Variants in RABGAP1 observed in about 807,000 individuals in gnomAD.
RABGAP1 encodes the protein rab GTPase-activating protein 1.
In RABGAP1, 23 loss-of-function variants were observed where a neutral mutation model predicts 137.6. That is an observed-to-expected ratio of 0.17 (90% confidence interval 0.12 to 0.24). The LOEUF is 0.24. Ranked by LOEUF, RABGAP1 falls within the 10% of genes least tolerant of loss-of-function variation. The probability of loss-of-function intolerance (pLI) is 1.00; values close to 1 mark genes in which losing one functional copy is unlikely to be tolerated. For missense variants in RABGAP1, 906 were observed against 1,275.8 expected (o/e 0.71, Z 4.42); for synonymous variants, 451 against 450.7 (o/e 1.00, Z -0.01).
At chr9:123,000,281 A>G (rs935839424) in intron 10 of RABGAP1, among the ~76,000 whole-genome samples, 3 of 152,196 alleles carry the variant, frequency 2.0e-5, no homozygotes, top group African/African-American at 7.2e-5. Flanking sequence ...TAACTTGATC[A>G]AAGTTAAACT....
chr9:123,040,576 G>A (rs2032904706), intron 13 of RABGAP1, among the ~76,000 whole-genome samples: 1 of 152,088 alleles, frequency 6.6e-6, no homozygotes, highest in African/African-American at 2.4e-5. Flanking sequence ...AGTCTTAGTA[G>A]TCTGCAAGCC....
At chr9:122,997,190 A>C in intron 8 of RABGAP1, 69 bp from the exon 9 acceptor site, 1 of 1,206,074 alleles carries the variant, frequency 8.3e-7, no homozygotes, top group Non-Finnish European at 1.2e-6. Context: ...TTTTAAAGGC[A>C]GCAAGATGGG....
chr9:123,012,619 T>C (rs1040949006), intron 11 of RABGAP1, among the ~76,000 whole-genome samples: 15 of 152,230 alleles, frequency 9.9e-5, no homozygotes, highest in African/African-American at 3.4e-4. Context: ...TAAGGACTAA[T>C]GGCAGTGTGT....
intron 2 of RABGAP1, among the ~76,000 whole-genome samples, chr9:122,967,275 T>C (rs1034309164): frequency 1.3e-5 from 2 of 152,088 alleles, no homozygotes; most frequent in African/African-American, 4.8e-5. Flanking sequence ...CATTAGTAAA[T>C]AGGAGATCAG....
chr9:123,096,344 A>T (rs2035183061), intron 21 of RABGAP1, among the ~76,000 whole-genome samples: 6 of 152,240 alleles, frequency 3.9e-5, no homozygotes, highest in Admixed American at 3.9e-4. Flanking sequence ...ATGGAAAAAG[A>T]TGTACATACC....
intron 14 of RABGAP1, among the ~76,000 whole-genome samples, chr9:123,066,898 A>G (rs1428614133): frequency 6.6e-6 from 1 of 152,254 alleles, no homozygotes; most frequent in African/African-American, 2.4e-5. Flanking sequence ...ACTGATAAGT[A>G]TAGTTAATAT....
At chr9:122,947,529 GT>G (rs1442854174) in intron 1 of RABGAP1, among the ~76,000 whole-genome samples, 1 of 152,130 alleles carries the variant, frequency 6.6e-6, no homozygotes, top group Non-Finnish European at 1.5e-5. Flanking sequence ...TAAAAAAGAT[GT>G]TTTAAAGTTT....
chr9:123,082,913 C>G (rs541684954), intron 19 of RABGAP1, among the ~76,000 whole-genome samples: 1 of 152,204 alleles, frequency 6.6e-6, no homozygotes, highest in South Asian at 2.1e-4. Context: ...ACTTCATTCT[C>G]TGTTCAAATT....
chr9:123,093,537 C>T (rs867316791), intron 21 of RABGAP1, among the ~76,000 whole-genome samples: 1 of 152,194 alleles, frequency 6.6e-6, no homozygotes, highest in Non-Finnish European at 1.5e-5. Context: ...TGCCTCAGCT[C>T]CTTATTAGTT....
At chr9:123,027,433 A>G (rs978418376) in intron 13 of RABGAP1, among the ~76,000 whole-genome samples, 3 of 152,200 alleles carry the variant, frequency 2.0e-5, no homozygotes, top group Non-Finnish European at 2.9e-5. Flanking sequence ...TTACATTTCT[A>G]ATTGTTGAAA....
At chr9:123,055,854 T>C (rs2033672458) in intron 13 of RABGAP1, among the ~76,000 whole-genome samples, 1 of 152,186 alleles carries the variant, frequency 6.6e-6, no homozygotes, top group Non-Finnish European at 1.5e-5. Flanking sequence ...CCTGGCCATT[T>C]ATTTTATACT....
chr9:123,103,756 T>C lies in RABGAP1; in HGVS notation c.*543T>C, dbSNP rs1200745672. 6.6e-6 allele frequency: 1 copy of C among 150,524 alleles called. No individual in the cohort carries two copies. The highest frequency in any genetic ancestry group is 2.4e-5 in the African/African-American group (1 of 40,954). The allele number at this position is 150,524 out of a possible 1,614,324, so 9.3% of individuals were successfully genotyped here. A position where few individuals can be genotyped will look rare whatever the true frequency, so the allele number is the denominator to read the frequency against. On this transcript the variant is annotated 3_prime_UTR_variant, in exon 26 of 26. Transcript: ENST00000373647. ...GTTTTAAATAGGAGGGTTTCATAGT[T>C]GCATCTGAAGCCACCTGGTTCTGTT...
At chr9:122,982,278 C>T (rs1017537922) in intron 2 of RABGAP1, among the ~76,000 whole-genome samples, 34 of 152,182 alleles carry the variant, frequency 2.2e-4, no homozygotes, top group Admixed American at 2.2e-3. Flanking sequence ...GAAGACAGTT[C>T]TTATGTTTAT....
At chr9:122,966,657 AATC>A (rs1237036702) in intron 2 of RABGAP1, among the ~76,000 whole-genome samples, 3 of 152,234 alleles carry the variant, frequency 2.0e-5, no homozygotes, top group African/African-American at 4.8e-5. Flanking sequence ...GATGAAGAGA[AATC>A]AGCAGAAAAA....
intron 13 of RABGAP1, among the ~76,000 whole-genome samples, chr9:123,036,426 C>A (rs1022784304): frequency 6.6e-6 from 1 of 152,176 alleles, no homozygotes; most frequent in African/African-American, 2.4e-5. Flanking sequence ...TCTTTTACAG[C>A]AAAATGTGCT....
At chr9:123,078,150 C>T (rs1465199255) in intron 19 of RABGAP1, among the ~76,000 whole-genome samples, 1 of 151,994 alleles carries the variant, frequency 6.6e-6, no homozygotes, top group Non-Finnish European at 1.5e-5. Context: ...GTTAAGACCT[C>T]TGAATGGCTC....
In RABGAP1 at chr9:123,010,501, TCTC is replaced by T. The variant is rs371827149; in HGVS notation, c.1527_1529del (p.Pro510del). 2.9e-4 allele frequency: 468 copies of T among 1,613,734 alleles called. 3 individuals carry two copies. In the East Asian group the frequency reaches 5.1e-3, roughly 18 times the overall value. On this transcript the variant is annotated inframe_deletion, in exon 11 of 26. Coordinates refer to ENST00000373647, the MANE Select transcript of RABGAP1 (RefSeq NM_012197.4). ...TGGATCGCAAAGTTCAGTGATACCT[TCTC>T]CTCCAGAAGATGATGAAGAGGAAGG... is the stretch of plus-strand genomic sequence containing the variant.
At chr9:123,029,617 G>A (rs2032187412) in intron 13 of RABGAP1, 1 of 735,554 alleles carries the variant, frequency 1.4e-6, no homozygotes, top group Non-Finnish European at 2.6e-6. Context: ...ACAAGACAAG[G>A]TATTGAGCTT....
chr9:122,971,282 T>G (rs1835456956), intron 2 of RABGAP1, among the ~76,000 whole-genome samples: 1 of 152,202 alleles, frequency 6.6e-6, no homozygotes, highest in South Asian at 2.1e-4. Flanking sequence ...TGTTTAGAGT[T>G]TGAATTTACA....
Sources: gnomAD v4.1 joint callset for allele counts (sites outside exome capture counted in the v4.1 genomes callset) on GRCh38, gnomAD v4.1.1 for gene constraint, MANE v1.5 for transcripts, NCBI Gene and HGNC (gene_info 2026-07-23, HGNC 2026-07-21) for gene names.